Variants in MRAP observed in about 807,000 individuals in gnomAD.
MRAP encodes melanocortin 2 receptor accessory protein.
In MRAP, 8 loss-of-function variants were observed where a neutral mutation model predicts 8.7. The ratio of observed to expected loss-of-function variants is 0.92; its 90% confidence interval spans 0.54 to 1.66. The LOEUF (loss-of-function observed/expected upper bound fraction) is 1.66, where lower values mean the gene tolerates loss of function less well. MRAP is among the 40% of genes most tolerant of loss of function. The pLI, the probability that MRAP is intolerant of heterozygous loss-of-function variation, is 0.00. For missense variants in MRAP, 237 were observed against 217.1 expected (o/e 1.09, Z -0.58); for synonymous variants, 95 against 95.5 (o/e 1.00, Z 0.03).
chr21:32,299,052 C>G lies in MRAP; in HGVS notation c.81C>G (p.Asp27Glu). ...ACTATCTGGACCTCATTCCCGTGGA[C>G]GAGAAGAAGCTGAAAGCCCACAAAC... ...YLDYLDLIPV[D>E]EKKLKAHKHS... The change falls in exon 1 of 3, where the codon GAC becomes GAG. Residue 27 changes from aspartate to glutamate, a missense_variant. Coordinates refer to ENST00000303645, the MANE Select transcript of MRAP (RefSeq NM_001379228.1). The G allele has an allele frequency of 6.2e-7, 1 of 1,614,016 alleles. No homozygotes were observed. The highest frequency in any genetic ancestry group is 8.5e-7 in the Non-Finnish European group (1 of 1,179,914).
intron 1 of MRAP, among the ~76,000 whole-genome samples, chr21:32,305,356 G>A (rs1171018803): frequency 6.6e-6 from 1 of 152,040 alleles, no homozygotes; most frequent in East Asian, 1.9e-4. Flanking sequence ...TATCTCTCAG[G>A]GGTCGTAGAT....
intron 1 of MRAP, among the ~76,000 whole-genome samples, chr21:32,301,629 G>C (rs1004046524): frequency 6.6e-6 from 1 of 152,196 alleles, no homozygotes; most frequent in African/African-American, 2.4e-5. Context: ...TTCTAACATA[G>C]TGAGTCTCCA....
At chr21:32,294,675 CAAAT>C (rs1198835850), upstream of MRAP, among the ~76,000 whole-genome samples, 2 of 152,062 alleles carry the variant, frequency 1.3e-5, no homozygotes, top group Admixed American at 6.5e-5. Context: ...TTTCGATAAA[CAAAT>C]GTTTTAAATT....
rs2032601869 is a variant in MRAP at position 32,312,284 on chromosome 21, A to C, written c.*288A>C. ...GAAAATAAAATATATGCAAATCAAG[A>C]GGAAAAGCTGTTTGCTTACTAATCT... On this transcript the variant is annotated 3_prime_UTR_variant, in exon 3 of 3. Transcript: ENST00000303645. 7.3e-7 allele frequency: 1 copy of C among 1,362,624 alleles called. No individual in the cohort carries two copies. The highest frequency in any genetic ancestry group is 1.5e-5 in the African/African-American group (1 of 68,274). 84.4% of individuals were successfully genotyped at this position (1,362,624 alleles called of 1,614,324 possible).
Position 32,311,968 on chromosome 21 carries a change from G to T in MRAP, c.491G>T (p.Gly164Val). ...VRSKPSEPPP[G>V]DRTSQLQS ...AGCAAGCCCAGCGAGCCTCCCCCTGGAGACAGGACCTCTCAATTGCAGAGC... is the reference window on the plus strand; with the variant it reads ...AGCAAGCCCAGCGAGCCTCCCCCTGTAGACAGGACCTCTCAATTGCAGAGC... The change falls in exon 3 of 3, where the codon GGA becomes GTA. Residue 164 changes from glycine to valine, a missense_variant. Coordinates refer to ENST00000303645, the MANE Select transcript of MRAP (RefSeq NM_001379228.1). The T allele has an allele frequency of 6.2e-7, 1 of 1,613,452 alleles. No individual in the cohort carries two copies. Among genetic ancestry groups the T allele is most frequent in the Non-Finnish European group, 8.5e-7 (1 of 1,180,046 alleles).
At chr21:32,300,486 T>C (rs2032238299) in intron 1 of MRAP, among the ~76,000 whole-genome samples, 1 of 150,986 alleles carries the variant, frequency 6.6e-6, no homozygotes, top group South Asian at 2.1e-4. Context: ...GCGCCATGCG[T>C]CCTATGTCGG....
upstream of MRAP, among the ~76,000 whole-genome samples, chr21:32,298,537 C>T (rs376383232): frequency 9.2e-5 from 14 of 152,256 alleles, no homozygotes; most frequent in South Asian, 4.1e-4. Flanking sequence ...AGGGCACTGT[C>T]GGGCTTACAT....
In MRAP at chr21:32,298,991, C is replaced by T. The variant is rs1362893271; in HGVS notation, c.20C>T (p.Ala7Val). The stretch of plus-strand genomic sequence containing the variant: ...ACAGACATGGCCAACGGGACCAACG[C>T]CTCTGCCCCATACTACAGCTATGAA... MANGTN[A>V]SAPYYSYEYY... The change falls in exon 1 of 3, where the codon GCC becomes GTC. Residue 7 changes from alanine to valine, a missense_variant. Coordinates refer to ENST00000303645, the MANE Select transcript of MRAP (RefSeq NM_001379228.1). 9 of 1,614,144 alleles carry T rather than the reference C, an allele frequency of 5.6e-6. No individual in the cohort carries two copies. The highest frequency in any genetic ancestry group is 7.6e-6 in the Non-Finnish European group (9 of 1,179,970).
chr21:32,293,729 C>A (rs2032091837), intron 2 of MRAP, among the ~76,000 whole-genome samples: 1 of 152,118 alleles, frequency 6.6e-6, no homozygotes, highest in Admixed American at 6.5e-5. Context: ...ACTTGGGTTA[C>A]AAATTAAAGG....
upstream of MRAP, among the ~76,000 whole-genome samples, chr21:32,294,683 T>C (rs1235776462): frequency 6.6e-6 from 1 of 152,216 alleles, no homozygotes; most frequent in Non-Finnish European, 1.5e-5. Flanking sequence ...AACAAATGTT[T>C]TAAATTTCAG....
rs57692462 is a variant in MRAP at position 32,302,979 on chromosome 21, C to CTTTTTT, written c.107-3648_107-3643dup. Among the ~76,000 whole-genome samples, 29 of 124,238 alleles carry CTTTTTT rather than the reference C, an allele frequency of 2.3e-4. 1 individual carries two copies. The highest frequency in any genetic ancestry group is 7.8e-4 in the African/African-American group (25 of 32,212). The allele number at this position is 124,238 out of a possible 152,430, so 81.5% of individuals were successfully genotyped here. ...CAGTAGTAACCTATGCCCCAATTCC[C>CTTTTTT]TTTTTTTTTTTTTTTTTTGAGATGG... On this transcript the variant is annotated intron_variant, in intron 1 of 2. Coordinates refer to ENST00000303645, the MANE Select transcript of MRAP (RefSeq NM_001379228.1).
downstream of MRAP, chr21:32,312,657 T>C (rs573355756): frequency 1.3e-5 from 2 of 158,474 alleles, no homozygotes; most frequent in East Asian, 3.7e-4. Context: ...GCAGGAAAGG[T>C]CTTCTGGATG....
chr21:32,306,370 A>G (rs2032416478), intron 1 of MRAP: 1 of 462,642 alleles, frequency 2.2e-6, no homozygotes, highest in South Asian at 2.0e-5. Context: ...GTGGGGGGGC[A>G]CACAATTCCA....
intron 1 of MRAP, among the ~76,000 whole-genome samples, chr21:32,304,256 C>T (rs1272983064): frequency 6.6e-6 from 1 of 152,156 alleles, no homozygotes; most frequent in East Asian, 1.9e-4. Flanking sequence ...TGTAACTCTT[C>T]GGGAGTGTAG....
exon 2 of MRAP, chr21:32,293,101 G>A (rs2032079879): frequency 6.6e-6 from 1 of 152,244 alleles, no homozygotes; most frequent in African/African-American, 2.4e-5. Context: ...AGCTTTGGAA[G>A]AAGAGAGAGT....
chr21:32,304,094 G>A (rs560388533), intron 1 of MRAP, among the ~76,000 whole-genome samples: 23 of 152,244 alleles, frequency 1.5e-4, no homozygotes, highest in Non-Finnish European at 3.2e-4. Context: ...ATTTATGTAG[G>A]TGCTATAAGA....
At chr21:32,307,717 A>C (rs2409449) in intron 2 of MRAP, among the ~76,000 whole-genome samples, 3 of 151,694 alleles carry the variant, frequency 2.0e-5, no homozygotes, top group African/African-American at 7.3e-5. Flanking sequence ...ATAAAAAATA[A>C]CAAAAAGTTA....
chr21:32,294,610 A>AT (rs1372978134), upstream of MRAP, among the ~76,000 whole-genome samples: 1 of 152,126 alleles, frequency 6.6e-6, no homozygotes, highest in Non-Finnish European at 1.5e-5. Flanking sequence ...TAGATATATA[A>AT]TTTTTAACTT....
chr21:32,306,062 G>A (rs562021025), intron 1 of MRAP, among the ~76,000 whole-genome samples: 1 of 152,210 alleles, frequency 6.6e-6, no homozygotes, highest in South Asian at 2.1e-4. Flanking sequence ...CCTGAGAGAG[G>A]GACTCGCTAT....
Sources: gnomAD v4.1 joint callset for allele counts (sites outside exome capture counted in the v4.1 genomes callset) on GRCh38, gnomAD v4.1.1 for gene constraint, MANE v1.5 for transcripts, NCBI Gene and HGNC (gene_info 2026-07-23, HGNC 2026-07-21) for gene names.